Variants in WDR72 observed in about 807,000 individuals in gnomAD.
WDR72 encodes WD repeat-containing protein 72.
A neutral mutation model predicts 124.2 loss-of-function variants in WDR72; 120 were observed. That is an observed-to-expected ratio of 0.97 (90% CI 0.83 to 1.12). The LOEUF (loss-of-function observed/expected upper bound fraction) is 1.12. Ranked by LOEUF, WDR72 falls within the 50% of genes most tolerant of loss-of-function variation. WDR72 has a pLI of 0.00. For synonymous variants in WDR72, 452 were observed against 441.7 expected, an observed-to-expected ratio of 1.02 and a Z score of -0.29; for missense variants, 1,387 against 1,278.8, an observed-to-expected ratio of 1.08 and a Z score of -1.29.
chr15:53,587,131 C>T (rs1483032231), intron 18 of WDR72, among the ~76,000 whole-genome samples: 1 of 152,034 alleles, frequency 6.6e-6, no homozygotes, highest in African/African-American at 2.4e-5. Flanking sequence ...ACGCCTTTCA[C>T]AGTGAATAAC....
chr15:53,695,183 A>G (rs1002858250), intron 13 of WDR72, among the ~76,000 whole-genome samples: 36 of 152,338 alleles, frequency 2.4e-4, no homozygotes, highest in African/African-American at 8.2e-4. Flanking sequence ...TTAATATGGC[A>G]TATTTCCCAA....
intron 14 of WDR72, among the ~76,000 whole-genome samples, chr15:53,634,371 G>GA (rs1299377204): frequency 1.3e-5 from 2 of 152,174 alleles, no homozygotes; most frequent in Admixed American, 6.5e-5. Context: ...AAGATCCCAA[G>GA]AAAAGCCTGT....
chr15:53,532,583 T>C (rs1206306586), intron 18 of WDR72, among the ~76,000 whole-genome samples: 1 of 149,568 alleles, frequency 6.7e-6, no homozygotes, highest in East Asian at 1.9e-4. Flanking sequence ...ATATGACAGC[T>C]AAGAAAATAT....
At chr15:53,638,509 T>C (rs545287950) in intron 14 of WDR72, among the ~76,000 whole-genome samples, 3 of 152,294 alleles carry the variant, frequency 2.0e-5, no homozygotes, top group South Asian at 2.1e-4. Flanking sequence ...CATTTTGTTA[T>C]TGGTACTTTA....
intron 13 of WDR72, among the ~76,000 whole-genome samples, chr15:53,693,990 G>C (rs12909843): frequency 0.039 from 5,934 of 152,282 alleles, 140 homozygotes; most frequent in Non-Finnish European, 0.05. Context: ...AACAAAAACA[G>C]ACTCCCATGG....
chr15:53,583,799 G>C (rs764741959), intron 18 of WDR72, among the ~76,000 whole-genome samples: 67 of 152,114 alleles, frequency 4.4e-4, no homozygotes, highest in Non-Finnish European at 7.9e-4. Flanking sequence ...TGGCATAAGG[G>C]AAGTAGGTGA....
At chr15:53,590,245 T>C (rs1906436) in intron 18 of WDR72, among the ~76,000 whole-genome samples, 48,620 of 151,928 alleles carry the variant, frequency 0.32, 8,529 homozygotes, top group Middle Eastern at 0.5. Flanking sequence ...AACTCGTATG[T>C]GTATGCCAAA....
At chr15:53,698,625 G>A (rs1179002203) in intron 13 of WDR72, among the ~76,000 whole-genome samples, 1 of 152,140 alleles carries the variant, frequency 6.6e-6, no homozygotes, top group Non-Finnish European at 1.5e-5. Flanking sequence ...GGCAAGCCCA[G>A]GCTTTAGGGC....
intron 14 of WDR72, among the ~76,000 whole-genome samples, chr15:53,638,231 T>C (rs1283077203): frequency 6.6e-6 from 1 of 152,196 alleles, no homozygotes; most frequent in Non-Finnish European, 1.5e-5. Context: ...AAGTCTTTTT[T>C]CAAGGGTGAA....
At chr15:53,727,173 G>A (rs954976692) in intron 2 of WDR72, among the ~76,000 whole-genome samples, 1 of 141,716 alleles carries the variant, frequency 7.1e-6, no homozygotes, top group South Asian at 2.3e-4. Flanking sequence ...TTAGCTGGGT[G>A]TAGTGGATCT....
chr15:53,685,151 C>A (rs1346231561), intron 13 of WDR72, among the ~76,000 whole-genome samples: 2 of 149,512 alleles, frequency 1.3e-5, no homozygotes, highest in Admixed American at 1.3e-4. Context: ...AAACGCAGAG[C>A]GCCTCTCCTC....
At chr15:53,685,110 A>G (rs1467204123) in intron 13 of WDR72, among the ~76,000 whole-genome samples, 1 of 151,604 alleles carries the variant, frequency 6.6e-6, no homozygotes, top group Non-Finnish European at 1.5e-5. Flanking sequence ...AAAGATGGAG[A>G]AAAAACAGAA....
upstream of WDR72, among the ~76,000 whole-genome samples, chr15:53,761,866 A>T (rs1349021449): frequency 5.3e-5 from 8 of 150,326 alleles, no homozygotes; most frequent in Non-Finnish European, 8.9e-5. Flanking sequence ...AAAACAAAAA[A>T]TGCAGCCTCT....
At chr15:53,526,278 G>T (rs755099116) in intron 18 of WDR72, among the ~76,000 whole-genome samples, 1 of 151,964 alleles carries the variant, frequency 6.6e-6, no homozygotes, top group Non-Finnish European at 1.5e-5. Flanking sequence ...GTGCAGAGGA[G>T]AATTCCTCTA....
intron 2 of WDR72, among the ~76,000 whole-genome samples, chr15:53,726,618 G>C (rs1157451332): frequency 3.3e-5 from 5 of 152,018 alleles, no homozygotes; most frequent in Admixed American, 1.3e-4. Context: ...GAGGCAAGAG[G>C]ATCACTTGAA....
At chr15:53,532,549 C>G (rs185355924) in intron 18 of WDR72, among the ~76,000 whole-genome samples, 4 of 152,152 alleles carry the variant, frequency 2.6e-5, no homozygotes, top group East Asian at 3.9e-4. Flanking sequence ...TACAGAAAAA[C>G]AAATATCACA....
intron 14 of WDR72, among the ~76,000 whole-genome samples, chr15:53,623,018 C>T (rs759829671): frequency 3.1e-4 from 47 of 152,018 alleles, no homozygotes; most frequent in Non-Finnish European, 6.0e-4. Flanking sequence ...CATACCATCA[C>T]AAGAGATAAA....
Position 53,712,577 on chromosome 15 carries a change from A to G in WDR72, c.711+195T>C, listed in dbSNP as rs990389703. ...GCCGCTGCACTCCAGCCTGGGAAAC[A>G]GAGTGAGACTGTCAACCACCCCACC... On this transcript the variant is annotated intron_variant, in intron 7 of 19. Transcript: ENST00000360509. Among the ~76,000 whole-genome samples, 7 of 150,114 alleles carry G rather than the reference A, an allele frequency of 4.7e-5. No individual in the cohort carries two copies. The East Asian group carries it at 9.8e-4, about 21-fold the overall frequency.
intron 1 of WDR72, among the ~76,000 whole-genome samples, chr15:53,734,570 T>C (rs1369664112): frequency 6.6e-6 from 1 of 152,012 alleles, no homozygotes; most frequent in African/African-American, 2.4e-5. Flanking sequence ...TCCCAAGCAG[T>C]GAAAAACTAA....
Sources: gnomAD v4.1 joint callset for allele counts (sites outside exome capture counted in the v4.1 genomes callset) on GRCh38, gnomAD v4.1.1 for gene constraint, MANE v1.5 for transcripts, NCBI Gene and HGNC (gene_info 2026-07-23, HGNC 2026-07-21) for gene names.